The following AGBL4 variants were observed in gnomAD, a reference collection of about 807,000 sequenced individuals.
AGBL4 encodes the protein AGBL carboxypeptidase 4, also known as cytosolic carboxypeptidase 6.
AGBL4 carries 58 observed loss-of-function variants against 66.4 expected under a neutral mutation model. The ratio of observed to expected loss-of-function variants is 0.87; its 90% confidence interval spans 0.71 to 1.09. The LOEUF is 1.09. Ranked by LOEUF, AGBL4 falls within the 50% of genes least tolerant of loss-of-function variation. The pLI, the probability that AGBL4 is intolerant of heterozygous loss-of-function variation, is 0.00. For synonymous variants in AGBL4, 234 were observed against 222.9 expected (o/e 1.05, Z -0.44); for missense variants, 579 against 631.0 (o/e 0.92, Z 0.88).
At chr1:49,565,540 T>C (rs1371033003) in intron 3 of AGBL4, among the ~76,000 whole-genome samples, 1 of 152,160 alleles carries the variant, frequency 6.6e-6, no homozygotes, top group African/African-American at 2.4e-5. Flanking sequence ...CTGTAAAGGA[T>C]TTTATTTCTC....
chr1:48,876,989 C>T (rs555443571), intron 5 of AGBL4, among the ~76,000 whole-genome samples: 8 of 152,274 alleles, frequency 5.3e-5, no homozygotes, highest in African/African-American at 1.9e-4. Context: ...CCAAATCACA[C>T]ACTGCTGGGA....
chr1:48,541,438 C>T (rs1380197798), intron 11 of AGBL4, among the ~76,000 whole-genome samples: 3 of 152,234 alleles, frequency 2.0e-5, no homozygotes, highest in Non-Finnish European at 4.4e-5. Flanking sequence ...CCCACACACT[C>T]ATCTGACAAT....
chr1:49,162,174 A>G (rs1054266991), intron 4 of AGBL4, among the ~76,000 whole-genome samples: 11 of 152,158 alleles, frequency 7.2e-5, no homozygotes, highest in Admixed American at 7.2e-4. Context: ...CCACTATGTT[A>G]ATAAATATCA....
At chr1:48,995,460 C>A (rs912555865) in intron 5 of AGBL4, among the ~76,000 whole-genome samples, 1 of 152,184 alleles carries the variant, frequency 6.6e-6, no homozygotes, top group Non-Finnish European at 1.5e-5. Context: ...ATAAACAAAA[C>A]AAATGCCTTG....
intron 3 of AGBL4, among the ~76,000 whole-genome samples, chr1:49,617,784 G>A (rs1011247306): frequency 2.0e-5 from 3 of 152,140 alleles, no homozygotes; most frequent in South Asian, 2.1e-4. Context: ...AGATGTTATC[G>A]GTATACAATT....
At chr1:48,882,491 C>A (rs1192939367) in intron 5 of AGBL4, among the ~76,000 whole-genome samples, 2 of 151,888 alleles carry the variant, frequency 1.3e-5, no homozygotes. Flanking sequence ...GTGTGTTAGT[C>A]CATTCTCACA....
chr1:49,932,820 C>T (rs1466578153), intron 1 of AGBL4, among the ~76,000 whole-genome samples: 1 of 152,048 alleles, frequency 6.6e-6, no homozygotes, highest in Non-Finnish European at 1.5e-5. Flanking sequence ...TCTGACGAAG[C>T]CCACTAAAGA....
chr1:49,130,090 C>G (rs1645858254), intron 4 of AGBL4, among the ~76,000 whole-genome samples: 1 of 152,028 alleles, frequency 6.6e-6, no homozygotes, highest in South Asian at 2.1e-4. Context: ...TTTCATGTGT[C>G]TGTTGGCTGC....
chr1:48,587,711 T>C (rs186457174), intron 10 of AGBL4, among the ~76,000 whole-genome samples: 3 of 151,894 alleles, frequency 2.0e-5, no homozygotes, highest in African/African-American at 7.2e-5. Context: ...GGCGCGATCT[T>C]GGCTCACTGC....
intron 1 of AGBL4, among the ~76,000 whole-genome samples, chr1:49,935,579 C>G (rs924802522): frequency 7.9e-5 from 12 of 152,294 alleles, no homozygotes; most frequent in African/African-American, 2.9e-4. Flanking sequence ...AACTGGGAGG[C>G]ACCCCCCCAG....
intron 2 of AGBL4, among the ~76,000 whole-genome samples, chr1:49,814,548 TTTC>T (rs1159941615): frequency 6.6e-6 from 1 of 151,618 alleles, no homozygotes; most frequent in Non-Finnish European, 1.5e-5. Flanking sequence ...GGATTCAACC[TTTC>T]TTCTCTCCCT....
chr1:49,268,992 G>A (rs924794202), intron 3 of AGBL4: 1 of 152,150 alleles, frequency 6.6e-6, no homozygotes, highest in Non-Finnish European at 1.5e-5. Flanking sequence ...CTGGTAAAAC[G>A]ATGGTACAGC....
At chr1:49,228,758 G>C (rs1209039680) in intron 4 of AGBL4, among the ~76,000 whole-genome samples, 1 of 152,200 alleles carries the variant, frequency 6.6e-6, no homozygotes, top group African/African-American at 2.4e-5. Flanking sequence ...GCAGGGGTCA[G>C]TTAGGAGGTC....
chr1:49,228,423 G>A lies in AGBL4; in HGVS notation c.377+17347C>T, dbSNP rs74550995. Among the ~76,000 whole-genome samples the A allele has an allele frequency of 1.4e-3, 206 of 152,304 alleles. 6 individuals carry two copies. In the East Asian group the frequency reaches 0.036, roughly 27 times the overall value. ...CAGGGTAAGAGGGAGCAATAATGGT[G>A]AGGTGGACGTGCTTTGAAATTTTCA... On this transcript the variant is annotated intron_variant, in intron 4 of 13. Transcript: ENST00000371839.
At chr1:49,654,020 C>T (rs1229901434) in intron 3 of AGBL4, among the ~76,000 whole-genome samples, 4 of 152,058 alleles carry the variant, frequency 2.6e-5, no homozygotes, top group African/African-American at 7.2e-5. Flanking sequence ...GACACATAAT[C>T]ATCAGATTCT....
intron 3 of AGBL4, among the ~76,000 whole-genome samples, chr1:49,529,904 CG>C (rs1368272422): frequency 6.6e-6 from 1 of 150,994 alleles, no homozygotes; most frequent in Non-Finnish European, 1.5e-5. Flanking sequence ...ATCAGCAGAG[CG>C]GGGGTAAGAG....
Position 49,043,894 on chromosome 1 carries a change from G to A in AGBL4, c.594+1690C>T, listed in dbSNP as rs542913196. Among the ~76,000 whole-genome samples, 230 of 152,176 alleles carry A rather than the reference G, an allele frequency of 1.5e-3. 1 individual carries two copies. In the Middle Eastern group the frequency reaches 0.02, roughly 14 times the overall value. On this transcript the variant is annotated intron_variant, in intron 5 of 13. Coordinates refer to ENST00000371839, the MANE Select transcript of AGBL4 (RefSeq NM_032785.4). ...GTATCCTGGATTTATTTAGAAATGC[G>A]TCTCACTTTTATGTGAAACTCACAG... is the stretch of plus-strand genomic sequence containing the variant.
At chr1:49,055,861 T>C (rs1224340605) in intron 4 of AGBL4, among the ~76,000 whole-genome samples, 2 of 152,214 alleles carry the variant, frequency 1.3e-5, no homozygotes, top group Non-Finnish European at 2.9e-5. Context: ...AAATCAATTT[T>C]GTTTCAAAAA....
chr1:49,728,783 G>A (rs146939343), intron 2 of AGBL4, among the ~76,000 whole-genome samples: 2 of 152,186 alleles, frequency 1.3e-5, no homozygotes, highest in Admixed American at 6.5e-5. Flanking sequence ...TGCCAGCATA[G>A]TTTGGAAGAC....
Sources: gnomAD v4.1 joint callset for allele counts (sites outside exome capture counted in the v4.1 genomes callset) on GRCh38, gnomAD v4.1.1 for gene constraint, MANE v1.5 for transcripts, NCBI Gene and HGNC (gene_info 2026-07-23, HGNC 2026-07-21) for gene names.